The following LRRC9 variants were observed in gnomAD, a reference collection of about 807,000 sequenced individuals.
The protein encoded by LRRC9 is leucine-rich repeat-containing protein 9.
In LRRC9, 122 loss-of-function variants were observed where a neutral mutation model predicts 63.2. The observed-to-expected ratio is 1.93, with a 90% CI of 1.67 to 2.24. The LOEUF is 2.24. Ranked by LOEUF, LRRC9 falls within the 30% of genes most tolerant of loss-of-function variation. The probability of loss-of-function intolerance (pLI) is 0.00; values close to 1 mark genes in which losing one functional copy is unlikely to be tolerated. For synonymous variants in LRRC9, 366 were observed against 213.1 expected (o/e 1.72, Z -6.25); for missense variants, 1,071 against 627.7 (o/e 1.71, Z -7.55).
exon 18 of LRRC9, chr14:59,997,786 T>G (rs1888953407): frequency 2.8e-6 from 2 of 702,304 alleles, no homozygotes; most frequent in East Asian, 5.4e-5. Flanking sequence ...GAAATAAATA[T>G]GTTATGCAAA....
Position 59,938,532 on chromosome 14 carries a change from C to T in LRRC9, c.686C>T (p.Thr229Ile). The T allele has an allele frequency of 1.4e-6, 1 of 696,140 alleles. No homozygotes were observed. The highest frequency in any genetic ancestry group is 2.0e-5 in the Admixed American group (1 of 49,020). The allele number at this position is 696,140 out of a possible 1,614,324, so 43.1% of individuals were successfully genotyped here. The change falls in exon 7 of 32, where the codon ACA becomes ATA. Residue 229 changes from threonine to isoleucine, a missense_variant. Transcript: ENST00000445360. The surrounding 1 kb of genome is among the most constrained non-coding windows in gnomAD (Gnocchi z 4.2). ...TTGCCTTGCCTTCAAAGATTTGACA[C>T]ATTGGATGTGTCAGCAAAGCAAATC...
At chr14:59,973,268 A>G (rs1286526134) in intron 12 of LRRC9, among the ~76,000 whole-genome samples, 1 of 151,978 alleles carries the variant, frequency 6.6e-6, no homozygotes, top group Non-Finnish European at 1.5e-5. Flanking sequence ...GGTGCCTTGT[A>G]TTTTTTAAAT....
chr14:60,039,774 T>C (rs941904879), intron 29 of LRRC9, among the ~76,000 whole-genome samples: 1 of 152,192 alleles, frequency 6.6e-6, no homozygotes, highest in African/African-American at 2.4e-5. Flanking sequence ...TCATTTCTGC[T>C]CTTATCTTAG....
At chr14:59,928,896 C>T (rs1217597809) in intron 3 of LRRC9, among the ~76,000 whole-genome samples, 1 of 152,054 alleles carries the variant, frequency 6.6e-6, no homozygotes, top group Non-Finnish European at 1.5e-5. Flanking sequence ...AACTGTACCT[C>T]TTCCTTATAC....
intron 1 of LRRC9, among the ~76,000 whole-genome samples, chr14:59,926,842 A>T (rs559433817): frequency 6.6e-6 from 1 of 152,272 alleles, no homozygotes; most frequent in East Asian, 1.9e-4. Context: ...TGTAGCTATG[A>T]CCTGTATGAC....
intron 15 of LRRC9, 25 bp from the exon 16 acceptor site, chr14:59,981,823 G>A (rs1886959234): frequency 1.5e-6 from 1 of 669,512 alleles, no homozygotes; most frequent in Non-Finnish European, 2.7e-6. Flanking sequence ...AACTGATTTT[G>A]CAATGTTTTT....
intron 26 of LRRC9, among the ~76,000 whole-genome samples, chr14:60,019,897 A>C (rs1165020278): frequency 1.3e-5 from 2 of 151,666 alleles, no homozygotes; most frequent in East Asian, 1.9e-4. Flanking sequence ...TATAACGTGT[A>C]TCTCCAAATC....
intron 23 of LRRC9, among the ~76,000 whole-genome samples, chr14:60,014,682 C>T (rs987240204): frequency 1.3e-5 from 2 of 151,736 alleles, no homozygotes; most frequent in South Asian, 4.2e-4. Context: ...TGCCTTTTTT[C>T]TCTGTCATTA....
At chr14:60,019,021 C>A in intron 25 of LRRC9, 100 bp from the exon 26 acceptor site, 3 of 503,196 alleles carry the variant, frequency 6.0e-6, no homozygotes, top group Non-Finnish European at 7.0e-6. Flanking sequence ...GTTGTTTTAG[C>A]ACTAATATAT....
chr14:59,926,156 G>A (rs1206052192), intron 1 of LRRC9, among the ~76,000 whole-genome samples: 1 of 152,160 alleles, frequency 6.6e-6, no homozygotes, highest in Non-Finnish European at 1.5e-5. Context: ...TATTAGCAAT[G>A]TGAGAACAGA....
At chr14:60,019,869 T>C (rs953373263) in intron 26 of LRRC9, among the ~76,000 whole-genome samples, 21 of 151,384 alleles carry the variant, frequency 1.4e-4, no homozygotes, top group Non-Finnish European at 3.0e-4. Flanking sequence ...ACATATCATA[T>C]ATATGATATA....
At chr14:60,065,303 C>T (rs1894857795), downstream of LRRC9, among the ~76,000 whole-genome samples, 1 of 151,760 alleles carries the variant, frequency 6.6e-6, no homozygotes, top group Admixed American at 6.6e-5. Context: ...TTGAGCAAGA[C>T]TCCATCTCAA....
At chr14:60,050,329 T>G (rs1055823135) in intron 29 of LRRC9, among the ~76,000 whole-genome samples, 8 of 152,184 alleles carry the variant, frequency 5.3e-5, no homozygotes, top group Admixed American at 2.0e-4. Context: ...CTTCAACCTC[T>G]GAGATCCTTT....
At chr14:59,996,134 A>T (rs1888763412) in intron 17 of LRRC9, among the ~76,000 whole-genome samples, 1 of 152,182 alleles carries the variant, frequency 6.6e-6, no homozygotes, top group South Asian at 2.1e-4. Flanking sequence ...GCTTATGATG[A>T]AAATTGGGAA....
At chr14:60,006,858 A>T (rs1198114721) in intron 22 of LRRC9, 3 of 279,804 alleles carry the variant, frequency 1.1e-5, no homozygotes, top group Non-Finnish European at 2.0e-5. Context: ...CTCAAGTATG[A>T]TAAACCAAAC....
In LRRC9 at chr14:59,997,647, G is replaced by A; in HGVS notation, c.2212-9G>A. ...CTCTTAGCATCACTTTTATTTATATGTGTTGCAGTATAACCTTGAATATTT... is the reference window on the plus strand; with the variant it reads ...CTCTTAGCATCACTTTTATTTATATATGTTGCAGTATAACCTTGAATATTT... On this transcript the variant is annotated splice_polypyrimidine_tract_variant and intron_variant, in intron 17 of 31. Transcript: ENST00000445360. The A allele has an allele frequency of 1.5e-6, 1 of 671,312 alleles. No individual in the cohort carries two copies. The highest frequency in any genetic ancestry group is 1.6e-5 in the South Asian group (1 of 62,122). 41.6% of individuals were successfully genotyped at this position (671,312 alleles called of 1,614,324 possible). A position where few individuals can be genotyped will look rare whatever the true frequency, so the allele number is the denominator to read the frequency against.
downstream of LRRC9, among the ~76,000 whole-genome samples, chr14:60,065,565 T>A: frequency 7.1e-6 from 1 of 141,498 alleles, no homozygotes; most frequent in Non-Finnish European, 1.5e-5. Flanking sequence ...GGAGAATCGC[T>A]TGAACCAGGG....
chr14:60,011,929 T>C (rs928912026), intron 23 of LRRC9, among the ~76,000 whole-genome samples: 6 of 152,200 alleles, frequency 3.9e-5, no homozygotes, highest in Admixed American at 3.9e-4. Context: ...CAGGATTAAA[T>C]ATGCATATGA....
In LRRC9 at chr14:60,040,237, T is replaced by C. The variant is rs568229125; in HGVS notation, c.3990+8174T>C. On this transcript the variant is annotated intron_variant, in intron 29 of 31. Coordinates refer to ENST00000445360, the Ensembl canonical transcript of LRRC9. Reference sequence around the variant, plus strand: ...GGTGCTGAGAAGAATGTACATTTTGTTGATTTGCAGTGGAGAGTTCTGTAG... The same window carrying C: ...GGTGCTGAGAAGAATGTACATTTTGCTGATTTGCAGTGGAGAGTTCTGTAG... 7.2e-5 allele frequency among the ~76,000 whole-genome samples: 11 copies of C among 152,146 alleles called. No individual in the cohort carries two copies. The East Asian group carries it at 1.9e-3, about 27-fold the overall frequency.
Sources: allele counts gnomAD v4.1 joint callset (sites outside exome capture counted in the v4.1 genomes callset), GRCh38; gene constraint gnomAD v4.1.1; non-coding constraint Gnocchi (gnomAD v3.1); transcripts MANE v1.5; gene names NCBI Gene and HGNC (gene_info 2026-07-23, HGNC 2026-07-21).